The following OTUD7B variants were observed in gnomAD, a reference collection of about 807,000 sequenced individuals.
OTUD7B encodes the protein OTU domain-containing protein 7B.
In OTUD7B, 34 loss-of-function variants were observed where a neutral mutation model predicts 82.2. That is an observed-to-expected ratio of 0.41 (90% CI 0.31 to 0.55). The LOEUF (loss-of-function observed/expected upper bound fraction) is 0.55, where lower values mean the gene tolerates loss of function less well. Ranked by LOEUF, OTUD7B falls within the 20% of genes least tolerant of loss-of-function variation. The pLI, the probability that OTUD7B is intolerant of heterozygous loss-of-function variation, is 0.20. For missense variants in OTUD7B, 944 were observed against 1,062.1 expected (o/e 0.89, Z 1.55); for synonymous variants, 398 against 402.7 (o/e 0.99, Z 0.14).
intron 3 of OTUD7B, 41 bp from the exon 4 acceptor site, chr1:149,967,562 C>T: frequency 6.8e-7 from 1 of 1,470,976 alleles, no homozygotes; most frequent in Admixed American, 2.0e-5. Context: ...ATACACAGCC[C>T]ACTTGGAGAA....
In OTUD7B at chr1:149,940,611, T is replaced by A. The variant is rs1377798279; in HGVS notation, c.*3246A>T. On this transcript the variant is annotated 3_prime_UTR_variant, in exon 12 of 12. Transcript: ENST00000581312. ...GTTGCCCTGGATTAAAGGAACTAAGTGCACTTAAATTTAAGCCTGAGAGAT... is the reference window on the plus strand; with the variant it reads ...GTTGCCCTGGATTAAAGGAACTAAGAGCACTTAAATTTAAGCCTGAGAGAT... 6.6e-6 allele frequency: 1 copy of A among 152,124 alleles called. No individual in the cohort carries two copies. The highest frequency in any genetic ancestry group is 6.5e-5 in the Admixed American group (1 of 15,270). 9.4% of individuals were successfully genotyped at this position (152,124 alleles called of 1,614,324 possible).
At chr1:149,948,149 T>G (rs1647895359) in intron 10 of OTUD7B, among the ~76,000 whole-genome samples, 1 of 150,408 alleles carries the variant, frequency 6.6e-6, no homozygotes, top group Admixed American at 6.6e-5. Context: ...CTGGCTAATT[T>G]TGTATTTTTA....
At chr1:149,974,134 G>A (rs1209478444) in intron 2 of OTUD7B, among the ~76,000 whole-genome samples, 3 of 151,948 alleles carry the variant, frequency 2.0e-5, no homozygotes, top group South Asian at 2.1e-4. Context: ...GTGCAATCTC[G>A]GCTCACTGCA....
At chr1:149,968,459 G>T (rs1490442774) in intron 3 of OTUD7B, among the ~76,000 whole-genome samples, 1 of 152,026 alleles carries the variant, frequency 6.6e-6, no homozygotes, top group African/African-American at 2.4e-5. Context: ...CATTTCATTT[G>T]TTTTGAATAC....
At chr1:150,033,855 G>T in the OTUD7B span, among the ~76,000 whole-genome samples, 1 of 152,044 alleles carries the variant, frequency 6.6e-6, no homozygotes, top group African/African-American at 2.4e-5. Flanking sequence ...CCAAGTAGCT[G>T]GGACTACAGG....
Position 149,944,089 on chromosome 1 carries a change from G to A in OTUD7B, c.2300C>T (p.Pro767Leu), listed in dbSNP as rs782283906. The A allele has an allele frequency of 1.9e-6, 3 of 1,614,078 alleles. No individual in the cohort carries two copies. The highest frequency in any genetic ancestry group is 1.7e-4 in the Middle Eastern group (1 of 6,060). Residue 767 changes from proline (P) to leucine (L), a missense_variant, in exon 12 of 12, where the codon CCC becomes CTC. Pro to Leu is a moderately conservative substitution (Grantham distance 98, BLOSUM62 -3). Around this residue, in one of 3 missense-constraint regions of OTUD7B, gnomAD observed 412 missense variants for 418.7 expected, o/e 0.98. Coordinates refer to ENST00000581312, the MANE Select transcript of OTUD7B (RefSeq NM_020205.4). The part of the protein sequence containing the change: ...DGLHRGALLP[P>L]PYRVADSYSN... ...ATAGGAATCAGCCACTCGGTAGGGG[G>A]GTGGTAACAAGGCACCCCTGTGAAG...
chr1:150,004,222 G>A (rs1008524586), intron 1 of OTUD7B, among the ~76,000 whole-genome samples: 15 of 151,978 alleles, frequency 9.9e-5, no homozygotes, highest in African/African-American at 3.6e-4. Flanking sequence ...CTGTGTATTA[G>A]TATCATCATA....
chr1:150,065,219 T>C, the OTUD7B span, among the ~76,000 whole-genome samples: 1 of 152,102 alleles, frequency 6.6e-6, no homozygotes, highest in South Asian at 2.1e-4. Context: ...CTGGAGGCGC[T>C]GGCCACCATG....
intron 1 of OTUD7B, among the ~76,000 whole-genome samples, chr1:150,002,366 C>G (rs1440493847): frequency 6.6e-6 from 1 of 152,162 alleles, no homozygotes; most frequent in Admixed American, 6.5e-5. Context: ...AATACCTTGA[C>G]ATTCTTCTAC....
At chr1:149,994,528 G>A (rs1651797101) in intron 1 of OTUD7B, among the ~76,000 whole-genome samples, 1 of 143,292 alleles carries the variant, frequency 7.0e-6, no homozygotes, top group African/African-American at 2.6e-5. Context: ...TCAGGTTGCA[G>A]TGAGCTGAGA....
At chr1:149,958,067 C>T (rs903082603) in intron 7 of OTUD7B, among the ~76,000 whole-genome samples, 2 of 152,114 alleles carry the variant, frequency 1.3e-5, no homozygotes, top group African/African-American at 2.4e-5. Flanking sequence ...GAGATGAACC[C>T]GGTACCTCAG....
intron 2 of OTUD7B, among the ~76,000 whole-genome samples, chr1:149,976,560 G>A (rs1036120986): frequency 2.4e-5 from 3 of 126,556 alleles, no homozygotes; most frequent in African/African-American, 6.2e-5. Context: ...GCAGTGACCC[G>A]AGATCGCACC....
At chr1:150,038,217 G>A in the OTUD7B span, among the ~76,000 whole-genome samples, 1 of 151,980 alleles carries the variant, frequency 6.6e-6, no homozygotes, top group East Asian at 1.9e-4. Context: ...ATTTAAATGA[G>A]TTATTTTCCC....
chr1:150,004,588 T>C (rs1225965894), intron 1 of OTUD7B, among the ~76,000 whole-genome samples: 3 of 150,258 alleles, frequency 2.0e-5, no homozygotes, highest in Non-Finnish European at 4.4e-5. Context: ...AATAAATACA[T>C]AAATAAATAA....
intron 6 of OTUD7B, chr1:149,962,257 G>A (rs988404978): frequency 5.3e-5 from 8 of 152,084 alleles, no homozygotes. Context: ...TAACATTTAA[G>A]AAACTATTAC....
chr1:149,964,058 C>T, intron 6 of OTUD7B, 164 bp downstream of exon 6: 1 of 708,800 alleles, frequency 1.4e-6, no homozygotes, highest in Non-Finnish European at 2.4e-6. Flanking sequence ...CATCAGAAGG[C>T]ATTTACCCCA....
intron 6 of OTUD7B, chr1:149,963,559 G>GT (rs587685726): frequency 0.93 from 135,780 of 146,348 alleles, 63,782 homozygotes; most frequent in East Asian, 1. Context: ...GTTTTTTTTT[G>GT]TTTTTTTTTT....
Position 149,949,792 on chromosome 1 carries a change from T to G in OTUD7B, c.974-14A>C. 6.2e-7 allele frequency: 1 copy of G among 1,611,346 alleles called. No individual in the cohort carries two copies. The highest frequency in any genetic ancestry group is 1.7e-5 in the Admixed American group (1 of 59,420). ...TAGGGGCAAATGCTGCAGGAAGCCA[T>G]GAAGATTATTATGAAGGCTGTGTTT... On this transcript the variant is annotated splice_polypyrimidine_tract_variant and intron_variant, in intron 8 of 11. Coordinates refer to ENST00000581312, the MANE Select transcript of OTUD7B (RefSeq NM_020205.4).
At chr1:149,965,990 A>C in intron 4 of OTUD7B, 112 bp from the exon 5 acceptor site, 1 of 706,794 alleles carries the variant, frequency 1.4e-6, no homozygotes, top group Non-Finnish European at 2.5e-6. Context: ...ACCCAGAATA[A>C]AACCATCACT....
Sources: allele counts gnomAD v4.1 joint callset (sites outside exome capture counted in the v4.1 genomes callset), GRCh38; gene constraint gnomAD v4.1.1; regional missense constraint gnomAD v4.1.1; transcripts MANE v1.5; gene names NCBI Gene and HGNC (gene_info 2026-07-23, HGNC 2026-07-21).